A2ML1: variants seen among roughly 807,000 people sequenced by gnomAD.
A2ML1 encodes the protein alpha-2-macroglobulin like 1.
In A2ML1, 161 loss-of-function variants were observed where a neutral mutation model predicts 181.9. That is an observed-to-expected ratio of 0.89 (90% CI 0.78 to 1.01). The LOEUF is 1.01. Ranked by LOEUF, A2ML1 falls within the 50% of genes least tolerant of loss-of-function variation. The pLI, the probability that A2ML1 is intolerant of heterozygous loss-of-function variation, is 0.00. For synonymous variants in A2ML1, 663 were observed against 666.8 expected, an observed-to-expected ratio of 0.99 and a Z score of 0.09; for missense variants, 1,670 against 1,768.1, an observed-to-expected ratio of 0.94 and a Z score of 1.00.
intron 29 of A2ML1, among the ~76,000 whole-genome samples, chr12:8,866,849 T>C (rs1944442568): frequency 6.6e-6 from 1 of 152,004 alleles, no homozygotes; most frequent in Non-Finnish European, 1.5e-5. Flanking sequence ...TTTTTTTTTG[T>C]AATAGATATT....
intron 27 of A2ML1, 31 bp from the exon 28 acceptor site, chr12:8,861,104 A>G (rs370850175): frequency 8.7e-6 from 14 of 1,612,698 alleles, no homozygotes; most frequent in South Asian, 6.6e-5. Flanking sequence ...GGAATGCCTT[A>G]TAAGTTATAG....
intron 26 of A2ML1, 115 bp from the exon 27 acceptor site, chr12:8,860,766 T>G (rs545727761): frequency 8.9e-6 from 8 of 895,940 alleles, no homozygotes; most frequent in Admixed American, 2.2e-5. Flanking sequence ...TTCTTTTCTT[T>G]TTTCTTTTTA....
In A2ML1 at chr12:8,852,210, G is replaced by T; in HGVS notation, c.2464G>T (p.Val822Phe). ...IFNYLKDCIR[V>F]QTDLAKSHEY... ...TTTGTCTCTTAAACATCCTCCGTAG[G>T]TTCAGACTGACCTGGCTAAATCGCA... Residue 822 changes from valine (V) to phenylalanine (F), a missense_variant and splice_region_variant, in exon 20 of 36, where the codon GTT (valine) becomes TTT (phenylalanine). By Grantham distance (50) the Val-to-Phe change is conservative. Transcript: ENST00000299698. The surrounding 1 kb of genome is among the most constrained non-coding windows in gnomAD (Gnocchi z 4.2). The T allele has an allele frequency of 6.2e-7, 1 of 1,613,992 alleles. No individual in the cohort carries two copies. The highest frequency in any genetic ancestry group is 8.5e-7 in the Non-Finnish European group (1 of 1,180,042).
chr12:8,834,767 A>G (rs1565465935), intron 5 of A2ML1, 85 bp downstream of exon 5: 2 of 1,549,388 alleles, frequency 1.3e-6, no homozygotes, highest in Non-Finnish European at 8.9e-7. Context: ...GACAGAAGCA[A>G]CTCTGAGATC....
chr12:8,871,636 C>T (rs1944625056), intron 33 of A2ML1, among the ~76,000 whole-genome samples: 1 of 151,944 alleles, frequency 6.6e-6, no homozygotes, highest in African/African-American at 2.4e-5. Flanking sequence ...TTTGATTTAT[C>T]CATTTATCCA....
intron 33 of A2ML1, 65 bp downstream of exon 33, chr12:8,869,268 A>T (rs972260718): frequency 8.6e-6 from 13 of 1,516,104 alleles, no homozygotes; most frequent in Non-Finnish European, 6.4e-6. Context: ...TTCCCTTCTA[A>T]TCTGTATATA....
At chr12:8,829,926 T>C (rs1592103710) in intron 4 of A2ML1, 147 bp downstream of exon 4, 7 of 896,988 alleles carry the variant, frequency 7.8e-6, no homozygotes, top group Non-Finnish European at 1.0e-5. Flanking sequence ...CTGGAAGTGC[T>C]GGGCGAGCTT....
intron 3 of A2ML1, among the ~76,000 whole-genome samples, chr12:8,826,180 A>C (rs926123924): frequency 2.0e-5 from 3 of 152,204 alleles, no homozygotes; most frequent in Admixed American, 2.0e-4. Context: ...TAGGGATTGC[A>C]ATGAACCTGT....
chr12:8,877,005 G>T (rs10771151), downstream of A2ML1, among the ~76,000 whole-genome samples: 89,208 of 151,884 alleles, frequency 0.59, 27,439 homozygotes, highest in Middle Eastern at 0.73. Context: ...AAACAGTGAT[G>T]GATTACAAGA....
chr12:8,871,782 A>G (rs186572178), intron 33 of A2ML1, among the ~76,000 whole-genome samples: 11 of 152,110 alleles, frequency 7.2e-5, no homozygotes, highest in African/African-American at 1.9e-4. Flanking sequence ...ATGTGTATAT[A>G]TTTATATCAT....
In A2ML1 at chr12:8,876,412, G is replaced by T. The variant is rs778225312; in HGVS notation, c.*356G>T. ...TCCTAGGCCGGATGCGGTGGCTCAC[G>T]CCTGTAATCCCAGCACTTTGGGATT... is the stretch of plus-strand genomic sequence containing the variant. On this transcript the variant is annotated 3_prime_UTR_variant, in exon 36 of 36. Coordinates refer to ENST00000299698, the MANE Select transcript of A2ML1 (RefSeq NM_144670.6). The T allele has an allele frequency of 1.3e-5, 2 of 152,236 alleles. No individual in the cohort carries two copies. The highest frequency in any genetic ancestry group is 4.8e-5 in the African/African-American group (2 of 41,434). The allele number at this position is 152,236 out of a possible 1,614,324, so 9.4% of individuals were successfully genotyped here.
chr12:8,862,446 C>G (rs1300705141), intron 28 of A2ML1, among the ~76,000 whole-genome samples: 4 of 152,150 alleles, frequency 2.6e-5, no homozygotes, highest in African/African-American at 9.7e-5. Flanking sequence ...AAGTGATCCG[C>G]CCCTCTTGGT....
At chr12:8,870,722 C>T (rs1449192130) in intron 33 of A2ML1, among the ~76,000 whole-genome samples, 5 of 152,042 alleles carry the variant, frequency 3.3e-5, no homozygotes, top group African/African-American at 1.2e-4. Context: ...CATAAGGAGA[C>T]AGAGTTGGAG....
At chr12:8,862,346 G>A (rs1331482406) in intron 28 of A2ML1, among the ~76,000 whole-genome samples, 2 of 152,018 alleles carry the variant, frequency 1.3e-5, no homozygotes, top group East Asian at 3.9e-4. Context: ...GGGATTACAG[G>A]TGCCCGCCAC....
At chr12:8,878,127 A>AC (rs34234070), downstream of A2ML1, among the ~76,000 whole-genome samples, 126,732 of 151,962 alleles carry the variant, frequency 0.83, 53,355 homozygotes, top group Middle Eastern at 0.9. The surrounding 1 kb of genome is among the most constrained non-coding windows in gnomAD (Gnocchi z 4.4). Flanking sequence ...ACATGGCAAA[A>AC]CCCATCTCTA....
chr12:8,846,919 G>A (rs1943706461), intron 14 of A2ML1, among the ~76,000 whole-genome samples: 1 of 151,808 alleles, frequency 6.6e-6, no homozygotes, highest in African/African-American at 2.4e-5. Flanking sequence ...CAAGGCTGCA[G>A]AGCGAGACCC....
intron 22 of A2ML1, among the ~76,000 whole-genome samples, chr12:8,855,188 C>T (rs948488314): frequency 1.3e-5 from 2 of 152,042 alleles, no homozygotes; most frequent in African/African-American, 4.8e-5. Flanking sequence ...CCACTGCACC[C>T]GGCAGCAGGA....
intron 29 of A2ML1, among the ~76,000 whole-genome samples, chr12:8,865,416 G>A (rs1378459811): frequency 6.6e-6 from 1 of 152,164 alleles, no homozygotes; most frequent in Non-Finnish European, 1.5e-5. Flanking sequence ...GCGGGTGCCT[G>A]TAATCCCAGC....
At chr12:8,884,499 A>G (rs1207566748) in intron 7 of A2ML1, among the ~76,000 whole-genome samples, 1 of 147,804 alleles carries the variant, frequency 6.8e-6, no homozygotes, top group Non-Finnish European at 1.5e-5. Flanking sequence ...TTTAGCTCCC[A>G]CTTATAAATG....
Sources: allele counts gnomAD v4.1 joint callset (sites outside exome capture counted in the v4.1 genomes callset), GRCh38; gene constraint gnomAD v4.1.1; non-coding constraint Gnocchi (gnomAD v3.1); transcripts MANE v1.5; gene names NCBI Gene and HGNC (gene_info 2026-07-23, HGNC 2026-07-21).